The following CNTN4 variants were observed in gnomAD, a reference collection of about 807,000 sequenced individuals.
CNTN4 encodes contactin 4.
CNTN4 carries 77 observed loss-of-function variants against 122.5 expected under a neutral mutation model. The observed-to-expected ratio is 0.63, with a 90% CI of 0.52 to 0.76. The LOEUF is 0.76. Ranked by LOEUF, CNTN4 falls within the 30% of genes least tolerant of loss-of-function variation. CNTN4 has a pLI of 0.00. For synonymous variants in CNTN4, 512 were observed against 447.0 expected, an observed-to-expected ratio of 1.15 and a Z score of -1.83; for missense variants, 1,256 against 1,259.1, an observed-to-expected ratio of 1.00 and a Z score of 0.04.
intron 14 of CNTN4, among the ~76,000 whole-genome samples, chr3:3,024,755 CTTTA>C (rs938765410): frequency 6.6e-6 from 1 of 152,154 alleles, no homozygotes; most frequent in African/African-American, 2.4e-5. Context: ...TAAATACTCT[CTTTA>C]AAGAGGAAAT....
intron 4 of CNTN4, among the ~76,000 whole-genome samples, chr3:2,716,002 C>T (rs1201813171): frequency 6.6e-6 from 1 of 152,090 alleles, no homozygotes; most frequent in Non-Finnish European, 1.5e-5. Context: ...CTCACTCTGT[C>T]ACCCAGGCTT....
intron 13 of CNTN4, chr3:2,927,335 T>C (rs2094482573): frequency 2.2e-6 from 1 of 456,026 alleles, no homozygotes; most frequent in Non-Finnish European, 4.4e-6. Flanking sequence ...TGCTCCTCTC[T>C]AAGGCCAGCC....
intron 4 of CNTN4, among the ~76,000 whole-genome samples, chr3:2,585,236 T>C (rs537915504): frequency 1.3e-5 from 2 of 152,126 alleles, no homozygotes; most frequent in Admixed American, 6.5e-5. Context: ...TTTACACTGT[T>C]GGTGGGACTG....
At chr3:2,359,956 G>T (rs1348993001) in intron 3 of CNTN4, among the ~76,000 whole-genome samples, 1 of 152,198 alleles carries the variant, frequency 6.6e-6, no homozygotes, top group Non-Finnish European at 1.5e-5. Context: ...TTCAAAGGAA[G>T]TAGTAGTCAA....
rs191726488 is a variant in CNTN4, at chr3:2,135,565, G to C, written c.-145+34926G>C. Among the ~76,000 whole-genome samples, 411 of 151,730 alleles carry C rather than the reference G, an allele frequency of 2.7e-3. 9 individuals are homozygous for C. The highest frequency in any genetic ancestry group is 9.4e-3 in the African/African-American group (385 of 41,016). ...CAGGAAGAAGCATCAGAGAAACAGT[G>C]AGAGTAATCAGCGCATATTTGTTGT... is the stretch of plus-strand genomic sequence containing the variant. On this transcript the variant is annotated intron_variant, in intron 2 of 24. Transcript: ENST00000418658.
At chr3:2,212,021 G>A (rs1024100784) in intron 2 of CNTN4, among the ~76,000 whole-genome samples, 3 of 151,890 alleles carry the variant, frequency 2.0e-5, no homozygotes, top group African/African-American at 4.8e-5. Context: ...TTGCCCAGAC[G>A]GGAGTGCAGT....
At chr3:2,579,535 CT>C (rs11129200) in intron 4 of CNTN4, among the ~76,000 whole-genome samples, 87,887 of 150,058 alleles carry the variant, frequency 0.59, 25,956 homozygotes, top group East Asian at 0.73. Context: ...TCATGGGTTT[CT>C]TTTTTTTTTT....
intron 7 of CNTN4, among the ~76,000 whole-genome samples, chr3:2,863,766 T>C (rs1187545316): frequency 1.9e-5 from 2 of 105,282 alleles, no homozygotes; most frequent in Non-Finnish European, 3.9e-5. Flanking sequence ...TTCAAGGACA[T>C]TGGCATGACA....
rs941832801 is a variant in CNTN4 at position 2,440,781 on chromosome 3, CATAT to C, written c.-89+101553_-89+101556del. On this transcript the variant is annotated intron_variant, in intron 3 of 24. Transcript: ENST00000418658. ...GAATATATATACACACATATTTGTA[CATAT>C]ATATTCATACATATATAACAAATAT... Among the ~76,000 whole-genome samples, 3 of 148,248 alleles carry C rather than the reference CATAT, an allele frequency of 2.0e-5. No homozygotes were observed. The East Asian group carries it at 5.9e-4, about 29-fold the overall frequency.
At chr3:2,514,647 A>G (rs1276632464) in intron 3 of CNTN4, among the ~76,000 whole-genome samples, 1 of 152,154 alleles carries the variant, frequency 6.6e-6, no homozygotes, top group African/African-American at 2.4e-5. Flanking sequence ...GATGCTGTGC[A>G]ACTCTAACAA....
At chr3:2,099,741 G>C (rs966422452) in intron 1 of CNTN4, 1 of 152,292 alleles carries the variant, frequency 6.6e-6, no homozygotes, top group Middle Eastern at 3.2e-3. Flanking sequence ...CTTTCGAGAG[G>C]CAAGACAACC....
intron 3 of CNTN4, among the ~76,000 whole-genome samples, chr3:2,514,215 G>T (rs762237478): frequency 8.5e-5 from 13 of 152,110 alleles, no homozygotes; most frequent in Non-Finnish European, 1.5e-4. Context: ...ACTTTATAAC[G>T]TCCTCAGCGG....
intron 2 of CNTN4, among the ~76,000 whole-genome samples, chr3:2,247,699 G>A (rs368672210): frequency 5.9e-5 from 9 of 152,048 alleles, no homozygotes; most frequent in East Asian, 1.9e-4. Context: ...TTATTTGAGC[G>A]ACAGCAGTTA....
intron 14 of CNTN4, chr3:2,988,848 TAGAAA>T (rs1367006216): frequency 1.6e-5 from 4 of 252,510 alleles, no homozygotes; most frequent in Non-Finnish European, 3.1e-5. Flanking sequence ...GTACTATTTT[TAGAAA>T]ACATTGTTTA....
intron 6 of CNTN4, among the ~76,000 whole-genome samples, chr3:2,750,452 G>C (rs997828306): frequency 2.6e-5 from 4 of 152,108 alleles, no homozygotes; most frequent in Non-Finnish European, 4.4e-5. Flanking sequence ...AAAATTTATA[G>C]CTAACTAGAG....
chr3:2,410,964 CAT>C (rs2151032311), intron 3 of CNTN4, among the ~76,000 whole-genome samples: 1 of 152,288 alleles, frequency 6.6e-6, no homozygotes, highest in Admixed American at 6.5e-5. Flanking sequence ...ACTGTAGTCT[CAT>C]GTGTTCAGAA....
intron 3 of CNTN4, among the ~76,000 whole-genome samples, chr3:2,520,686 C>A (rs890358435): frequency 1.3e-5 from 2 of 151,784 alleles, no homozygotes; most frequent in Admixed American, 6.6e-5. Flanking sequence ...TTTTTTTAAA[C>A]CACAAGATAG....
intron 2 of CNTN4, among the ~76,000 whole-genome samples, chr3:2,173,923 T>C (rs1484985135): frequency 6.6e-6 from 1 of 152,168 alleles, no homozygotes; most frequent in African/African-American, 2.4e-5. Context: ...AGGGTAGCTG[T>C]TGTTGCTATT....
chr3:2,916,371 C>A (rs950206795), intron 12 of CNTN4, among the ~76,000 whole-genome samples: 2 of 148,874 alleles, frequency 1.3e-5, no homozygotes, highest in Non-Finnish European at 3.0e-5. Context: ...GTTTGTGTCC[C>A]TGGGTACTTG....
Sources: allele counts gnomAD v4.1 joint callset (sites outside exome capture counted in the v4.1 genomes callset), GRCh38; gene constraint gnomAD v4.1.1; transcripts MANE v1.5; gene names NCBI Gene and HGNC (gene_info 2026-07-23, HGNC 2026-07-21).